Variants in GASK1A observed in about 807,000 individuals in gnomAD.
GASK1A encodes Golgi-associated kinase 1A.
Under a neutral mutation model 41.2 loss-of-function variants are expected in GASK1A, and 40 were observed. The ratio of observed to expected loss-of-function variants is 0.97; its 90% CI spans 0.75 to 1.27. The LOEUF is 1.27. GASK1A is among the 50% of genes most tolerant of loss of function. The probability of loss-of-function intolerance (pLI) is 0.00; values close to 1 mark genes in which losing one functional copy is unlikely to be tolerated. For synonymous variants in GASK1A, 316 were observed against 307.1 expected (o/e 1.03, Z -0.30); for missense variants, 678 against 745.1 (o/e 0.91, Z 1.05).
chr3:43,046,597 A>G (rs2089663831), intron 2 of GASK1A, among the ~76,000 whole-genome samples: 1 of 152,218 alleles, frequency 6.6e-6, no homozygotes. Context: ...TGAAAAACCC[A>G]TTTTCTGGAG....
In GASK1A at chr3:43,032,442, T is replaced by A; in HGVS notation, c.179T>A (p.Ile60Asn). 1 of 1,551,046 alleles carries A rather than the reference T, an allele frequency of 6.4e-7. No individual in the cohort carries two copies. The highest frequency in any genetic ancestry group is 8.7e-7 in the Non-Finnish European group (1 of 1,146,538). The change falls in exon 2 of 5, where the codon ATC becomes AAC. Residue 60 changes from isoleucine (I) to asparagine (N), a missense_variant. Coordinates refer to ENST00000430121, the MANE Select transcript of GASK1A (RefSeq NM_001129908.3). ...QGVTGAPATH[I>N]RQALSSSRRQ... ...GTAACTGGCGCCCCTGCAACCCATA[T>A]CCGGCAGGCTTTGAGCTCCAGCCGG...
At chr3:43,046,811 G>T (rs1460225862) in intron 2 of GASK1A, among the ~76,000 whole-genome samples, 1 of 152,188 alleles carries the variant, frequency 6.6e-6, no homozygotes, top group East Asian at 1.9e-4. Context: ...AGGACTTGGT[G>T]CCCTCCATCC....
chr3:43,029,970 T>C (rs1019927073), intron 1 of GASK1A, among the ~76,000 whole-genome samples: 6 of 152,114 alleles, frequency 3.9e-5, no homozygotes, highest in Non-Finnish European at 7.4e-5. Flanking sequence ...GAAGGTCAAA[T>C]GGGTACTGAA....
chr3:43,046,241 G>A (rs971667712), intron 2 of GASK1A, among the ~76,000 whole-genome samples: 4 of 152,206 alleles, frequency 2.6e-5, no homozygotes, highest in Non-Finnish European at 5.9e-5. Flanking sequence ...ACAAAATGTT[G>A]ATAGTGATAT....
rs1209031401 is a variant in GASK1A, at chr3:42,984,690, A to G, written c.3+5045A>G. ...AGTATAAAGAAAGTGACTTTATTCT[A>G]AAGCTTAGCTTAGGGGAAGAGGTAC... On this transcript the variant is annotated intron_variant, in intron 1 of 4. Transcript: ENST00000430121. This position sits in a 1 kb window ranked among gnomAD's most constrained non-coding sequence, Gnocchi z 4.2. Among the ~76,000 whole-genome samples the G allele has an allele frequency of 3.3e-5, 5 of 152,228 alleles. No individual in the cohort carries two copies. Among genetic ancestry groups the G allele is most frequent in the African/African-American group, 1.2e-4 (5 of 41,456 alleles).
chr3:43,006,214 G>A (rs952219561), intron 1 of GASK1A, among the ~76,000 whole-genome samples: 8 of 152,082 alleles, frequency 5.3e-5, no homozygotes, highest in Non-Finnish European at 8.8e-5. Flanking sequence ...CGCTTTCTTG[G>A]TCGGTGCACA....
At chr3:43,029,000 A>G (rs949664255) in intron 1 of GASK1A, among the ~76,000 whole-genome samples, 1 of 151,982 alleles carries the variant, frequency 6.6e-6, no homozygotes, top group African/African-American at 2.4e-5. Context: ...GCATTAATGC[A>G]TGGGGTGTCA....
chr3:43,012,161 C>T (rs73832419), intron 1 of GASK1A, among the ~76,000 whole-genome samples: 2,242 of 149,908 alleles, frequency 0.015, 43 homozygotes, highest in African/African-American at 0.046. Context: ...TGGAAAGTCA[C>T]AGGAAGGGGC....
chr3:43,021,009 A>G (rs2089519850), intron 1 of GASK1A, among the ~76,000 whole-genome samples: 1 of 152,210 alleles, frequency 6.6e-6, no homozygotes, highest in Non-Finnish European at 1.5e-5. Flanking sequence ...ACTGCCCTTG[A>G]TGGTTAGAAC....
intron 2 of GASK1A, among the ~76,000 whole-genome samples, chr3:43,048,657 A>G (rs1490625133): frequency 6.6e-6 from 1 of 152,176 alleles, no homozygotes; most frequent in Non-Finnish European, 1.5e-5. Context: ...TGATACTTGT[A>G]CACTAACTGC....
chr3:43,003,244 C>T (rs571802416), intron 1 of GASK1A, among the ~76,000 whole-genome samples: 54 of 152,244 alleles, frequency 3.5e-4, no homozygotes, highest in Middle Eastern at 3.4e-3. Flanking sequence ...CCTGTAATCC[C>T]AGCACTTTGG....
At chr3:43,020,142 T>G (rs755976286) in intron 1 of GASK1A, among the ~76,000 whole-genome samples, 2 of 152,008 alleles carry the variant, frequency 1.3e-5, no homozygotes, top group Non-Finnish European at 2.9e-5. Context: ...GGAGATCTAG[T>G]GCCAAACTGT....
At chr3:43,036,126 C>T (rs564940870) in intron 2 of GASK1A, among the ~76,000 whole-genome samples, 1 of 152,244 alleles carries the variant, frequency 6.6e-6, no homozygotes, top group African/African-American at 2.4e-5. Context: ...CAGCGTGGGA[C>T]TCTTCCTCAG....
intron 2 of GASK1A, among the ~76,000 whole-genome samples, chr3:43,044,897 CAA>C (rs1231145472): frequency 2.0e-5 from 3 of 152,096 alleles, no homozygotes; most frequent in Admixed American, 6.5e-5. Flanking sequence ...CGAGAAAAGA[CAA>C]GAGTGCATAA....
intron 1 of GASK1A, among the ~76,000 whole-genome samples, chr3:43,011,782 C>T (rs529036715): frequency 1.4e-5 from 2 of 147,530 alleles, no homozygotes. Flanking sequence ...TGTGAAGTCA[C>T]AGGAGGAGGC....
chr3:43,002,233 G>A (rs1171503477), intron 1 of GASK1A, among the ~76,000 whole-genome samples: 1 of 152,144 alleles, frequency 6.6e-6, no homozygotes, highest in African/African-American at 2.4e-5. Context: ...CAACTCTGCG[G>A]TTTTATTTTG....
At chr3:43,054,216 T>G (rs575114907) in intron 3 of GASK1A, 21 of 194,366 alleles carry the variant, frequency 1.1e-4, no homozygotes, top group African/African-American at 4.9e-4. Context: ...TATCTTCTCC[T>G]GCAGTGAGGC....
chr3:43,026,573 G>A (rs2089547853), intron 1 of GASK1A, among the ~76,000 whole-genome samples: 3 of 151,936 alleles, frequency 2.0e-5, no homozygotes, highest in African/African-American at 7.3e-5. Flanking sequence ...AAGAACTCAA[G>A]AAAAAATGGT....
At chr3:43,014,529 G>A (rs757599592) in intron 1 of GASK1A, among the ~76,000 whole-genome samples, 3 of 151,996 alleles carry the variant, frequency 2.0e-5, no homozygotes, top group East Asian at 1.9e-4. Context: ...ACAGGAAGGG[G>A]CATTGGGAAG....
Sources: allele counts gnomAD v4.1 joint callset (sites outside exome capture counted in the v4.1 genomes callset), GRCh38; gene constraint gnomAD v4.1.1; non-coding constraint Gnocchi (gnomAD v3.1); transcripts MANE v1.5; gene names NCBI Gene and HGNC (gene_info 2026-07-23, HGNC 2026-07-21).